The following MSH3 variants were observed in gnomAD, a reference collection of about 807,000 sequenced individuals.
MSH3 encodes the protein mutS homolog 3.
Under a neutral mutation model 123.3 loss-of-function variants are expected in MSH3, and 106 were observed. The ratio of observed to expected loss-of-function variants is 0.86; its 90% CI spans 0.73 to 1.01. The LOEUF is 1.01. Among genes scored for constraint, MSH3 ranks in the 50% least tolerant of loss-of-function variants. The pLI is 0.00. For synonymous variants in MSH3, 515 were observed against 481.4 expected (o/e 1.07, Z -0.91); for missense variants, 1,459 against 1,347.6 (o/e 1.08, Z -1.29).
intron 15 of MSH3, among the ~76,000 whole-genome samples, chr5:80,772,103 G>A (rs1744223193): frequency 6.6e-6 from 1 of 151,956 alleles, no homozygotes; most frequent in Non-Finnish European, 1.5e-5. Context: ...TCTTAACCTT[G>A]AATGAAATGT....
At position 80,725,497 on chromosome 5, in the gene MSH3, A is replaced by C; in HGVS notation, c.1385A>C (p.Tyr462Ser). The C allele has an allele frequency of 6.2e-7, 1 of 1,613,978 alleles. No individual in the cohort carries two copies. Among genetic ancestry groups the C allele is most frequent in the South Asian group, 1.1e-5 (1 of 91,080 alleles). ...RIRVERMDNI[Y>S]FEYSHAFQAV... ...CGAGTCGAAAGGATGGATAACATTT[A>C]TTTTGAATACAGCCATGCTTTCCAG... is the stretch of plus-strand genomic sequence containing the variant. The change falls in exon 9 of 24, where the codon TAT (tyrosine) becomes TCT (serine). Residue 462 changes from tyrosine (Y) to serine (S), a missense_variant. Transcript: ENST00000265081.
intron 12 of MSH3, among the ~76,000 whole-genome samples, chr5:80,754,801 T>TA (rs1243677368): frequency 6.6e-6 from 1 of 152,206 alleles, no homozygotes; most frequent in Non-Finnish European, 1.5e-5. Flanking sequence ...TTTGTTTTGG[T>TA]AAACCCATAT....
At chr5:80,866,279 C>T in intron 22 of MSH3, among the ~76,000 whole-genome samples, 1 of 152,162 alleles carries the variant, frequency 6.6e-6, no homozygotes, top group African/African-American at 2.4e-5. Flanking sequence ...GCTGGGACTA[C>T]AGGTGCACAC....
intron 20 of MSH3, among the ~76,000 whole-genome samples, chr5:80,836,231 A>G (rs1016115324): frequency 6.6e-6 from 1 of 152,194 alleles, no homozygotes; most frequent in South Asian, 2.1e-4. Flanking sequence ...GACATTCACA[A>G]AATTGTTAAC....
chr5:80,681,909 C>T (rs1341536804), intron 8 of MSH3, among the ~76,000 whole-genome samples: 2 of 152,012 alleles, frequency 1.3e-5, no homozygotes, highest in African/African-American at 4.8e-5. Flanking sequence ...ATTTAGGTGT[C>T]TTATGTGGGT....
At chr5:80,777,870 C>G (rs1040833103) in intron 16 of MSH3, among the ~76,000 whole-genome samples, 10 of 152,244 alleles carry the variant, frequency 6.6e-5, no homozygotes, top group African/African-American at 2.4e-4. Context: ...CAGTGGCAAC[C>G]GCCACCACCA....
At chr5:80,794,328 GC>G (rs1744661033) in intron 19 of MSH3, among the ~76,000 whole-genome samples, 1 of 152,176 alleles carries the variant, frequency 6.6e-6, no homozygotes, top group Admixed American at 6.5e-5. Flanking sequence ...TAAGGATGCA[GC>G]CTTGAGCTGT....
chr5:80,834,137 C>A (rs1745468333), intron 20 of MSH3, among the ~76,000 whole-genome samples: 1 of 152,066 alleles, frequency 6.6e-6, no homozygotes, highest in South Asian at 2.1e-4. Context: ...GGTACTACAT[C>A]CGTACCATCA....
chr5:80,709,142 C>A (rs1163740851), intron 8 of MSH3, among the ~76,000 whole-genome samples: 1 of 151,570 alleles, frequency 6.6e-6, no homozygotes, highest in East Asian at 1.9e-4. Flanking sequence ...GGGATGGGAG[C>A]TCTAGAAATC....
chr5:80,762,808 A>ATGT (rs1215300499), intron 13 of MSH3, among the ~76,000 whole-genome samples: 1 of 144,626 alleles, frequency 6.9e-6, no homozygotes, highest in Non-Finnish European at 1.5e-5. Context: ...ATGTTATGTT[A>ATGT]TGTTATGTTA....
At chr5:80,784,441 G>T (rs1744468498) in intron 17 of MSH3, among the ~76,000 whole-genome samples, 2 of 151,734 alleles carry the variant, frequency 1.3e-5, no homozygotes, top group South Asian at 4.2e-4. Flanking sequence ...TATATAGTAG[G>T]TGTATATATT....
chr5:80,682,677 G>C (rs182046761), intron 8 of MSH3, among the ~76,000 whole-genome samples: 4 of 152,124 alleles, frequency 2.6e-5, no homozygotes, highest in African/African-American at 9.6e-5. Context: ...ATTACATCAG[G>C]GTAAATGGGG....
intron 10 of MSH3, among the ~76,000 whole-genome samples, chr5:80,738,041 A>G (rs1311783011): frequency 6.6e-6 from 1 of 152,206 alleles, no homozygotes; most frequent in Admixed American, 6.5e-5. Flanking sequence ...ACCAAATAAA[A>G]AACCACACAC....
At chr5:80,664,098 A>G (rs1749509953) in intron 2 of MSH3, among the ~76,000 whole-genome samples, 1 of 152,220 alleles carries the variant, frequency 6.6e-6, no homozygotes, top group Admixed American at 6.5e-5. Flanking sequence ...TTGTTTATGA[A>G]AAACTGCCAA....
intron 10 of MSH3, among the ~76,000 whole-genome samples, chr5:80,734,750 AC>A (rs1390886277): frequency 6.6e-6 from 1 of 152,060 alleles, no homozygotes; most frequent in Non-Finnish European, 1.5e-5. Context: ...AGTTGAGGTG[AC>A]CCTTCAGCAG....
intron 19 of MSH3, among the ~76,000 whole-genome samples, chr5:80,794,790 G>A (rs1051452463): frequency 6.6e-6 from 1 of 152,140 alleles, no homozygotes; most frequent in African/African-American, 2.4e-5. Context: ...CTGAGATTGC[G>A]AGAAATGGCG....
intron 20 of MSH3, among the ~76,000 whole-genome samples, chr5:80,826,902 A>G (rs1188007506): frequency 6.6e-6 from 1 of 152,192 alleles, no homozygotes; most frequent in Non-Finnish European, 1.5e-5. Flanking sequence ...TTCCTGAATA[A>G]GAAGCAGATT....
chr5:80,785,998 G>A (rs1580050226), intron 17 of MSH3, among the ~76,000 whole-genome samples: 1 of 151,472 alleles, frequency 6.6e-6, no homozygotes, highest in African/African-American at 2.4e-5. Flanking sequence ...TTGTGGGGTG[G>A]GGGGAAGGGG....
chr5:80,804,020 A>G (rs144663790), intron 19 of MSH3, among the ~76,000 whole-genome samples: 2 of 152,256 alleles, frequency 1.3e-5, no homozygotes, highest in African/African-American at 4.8e-5. Flanking sequence ...TTTGCTTAAG[A>G]TGGCTTTGGC....
Sources: gnomAD v4.1 joint callset for allele counts (sites outside exome capture counted in the v4.1 genomes callset) on GRCh38, gnomAD v4.1.1 for gene constraint, MANE v1.5 for transcripts, NCBI Gene and HGNC (gene_info 2026-07-23, HGNC 2026-07-21) for gene names.